Variants in STYXL1 observed in about 807,000 individuals in gnomAD.
STYXL1 encodes serine/threonine/tyrosine interacting like 1, also known as serine/threonine/tyrosine-interacting-like protein 1.
STYXL1 carries 32 observed loss-of-function variants against 36.4 expected under a neutral mutation model. That is an observed-to-expected ratio of 0.88 (90% CI 0.66 to 1.18). STYXL1 has a LOEUF of 1.18. STYXL1 is among the 50% of genes most tolerant of loss of function. The probability of loss-of-function intolerance (pLI) is 0.00; values close to 1 mark genes in which losing one functional copy is unlikely to be tolerated. For missense variants in STYXL1, 354 were observed against 394.1 expected (o/e 0.90, Z 0.86); for synonymous variants, 133 against 144.1 (o/e 0.92, Z 0.55).
intron 4 of STYXL1, among the ~76,000 whole-genome samples, chr7:76,015,283 T>C (rs1249403546): frequency 6.6e-6 from 1 of 152,076 alleles, no homozygotes; most frequent in Non-Finnish European, 1.5e-5. Flanking sequence ...CTCCCACTTA[T>C]TGGTCAATAA....
intron 4 of STYXL1, among the ~76,000 whole-genome samples, chr7:76,016,690 C>T (rs1554574132): frequency 6.6e-6 from 1 of 151,930 alleles, no homozygotes; most frequent in Non-Finnish European, 1.5e-5. Flanking sequence ...ATGAGATAAC[C>T]TTCTCACATC....
chr7:76,014,597 C>T (rs1585230346), intron 4 of STYXL1, among the ~76,000 whole-genome samples: 1 of 151,540 alleles, frequency 6.6e-6, no homozygotes, highest in South Asian at 2.1e-4. Flanking sequence ...AAGCAATCTA[C>T]CTGCCTCAGC....
chr7:75,999,551 G>GTGTA (rs1421403301), intron 8 of STYXL1, among the ~76,000 whole-genome samples: 35 of 80,134 alleles, frequency 4.4e-4, no homozygotes, highest in African/African-American at 1.3e-3. Flanking sequence ...GTGTGTGTGT[G>GTGTA]TATATTTTTT....
chr7:76,009,924 T>G (rs1301182423), intron 5 of STYXL1, among the ~76,000 whole-genome samples: 1 of 152,100 alleles, frequency 6.6e-6, no homozygotes, highest in African/African-American at 2.4e-5. Flanking sequence ...GCCACAACCC[T>G]GCGCCTTCTT....
chr7:76,025,334 T>G (rs1794573579), intron 3 of STYXL1, among the ~76,000 whole-genome samples: 1 of 151,410 alleles, frequency 6.6e-6, no homozygotes, highest in African/African-American at 2.4e-5. Context: ...AAAAAAAAGC[T>G]ATCAGTCTGA....
intron 4 of STYXL1, among the ~76,000 whole-genome samples, chr7:76,020,309 G>C (rs1029424663): frequency 1.3e-5 from 2 of 152,178 alleles, no homozygotes; most frequent in Non-Finnish European, 2.9e-5. Context: ...GCGCCACCCC[G>C]TGGCAGTTGG....
intron 7 of STYXL1, among the ~76,000 whole-genome samples, chr7:76,003,113 A>G (rs1454314392): frequency 1.3e-5 from 2 of 152,010 alleles, no homozygotes; most frequent in African/African-American, 2.4e-5. Context: ...AGGAATGAGT[A>G]AAAAATCCAC....
At chr7:76,046,929 G>T (rs1554583913) in intron 1 of STYXL1, among the ~76,000 whole-genome samples, 1 of 151,548 alleles carries the variant, frequency 6.6e-6, no homozygotes, top group Non-Finnish European at 1.5e-5. Flanking sequence ...GGGATTACAG[G>T]CATGAGCCAC....
chr7:76,010,867 C>A (rs889797872), intron 5 of STYXL1, among the ~76,000 whole-genome samples: 1 of 152,100 alleles, frequency 6.6e-6, no homozygotes, highest in Non-Finnish European at 1.5e-5. Flanking sequence ...AACATTAAAC[C>A]GCCCTAGCTT....
At position 76,047,795 on chromosome 7, in the gene STYXL1, T is replaced by C; in HGVS notation, c.-138A>G. The C allele has an allele frequency of 1.5e-6, 1 of 661,998 alleles. No individual in the cohort carries two copies. Among genetic ancestry groups the C allele is most frequent in the South Asian group, 2.3e-5 (1 of 43,242 alleles). 41.0% of individuals were successfully genotyped at this position (661,998 alleles called of 1,614,324 possible). ...TATGGCCAGGCTCCCTGTCGGAGCC[T>C]CTGCCTGGGGCCCCACCTGGAAAAA... On this transcript the variant is annotated 5_prime_UTR_variant, in exon 1 of 9. Transcript: ENST00000359697.
intron 3 of STYXL1, among the ~76,000 whole-genome samples, chr7:76,023,433 C>T (rs1223155210): frequency 6.6e-6 from 1 of 152,062 alleles, no homozygotes; most frequent in African/African-American, 2.4e-5. Flanking sequence ...GTGCAGTCAC[C>T]GCTCACTGCA....
chr7:76,003,657 G>C (rs1791267218), intron 7 of STYXL1, 101 bp downstream of exon 7: 1 of 1,085,638 alleles, frequency 9.2e-7, no homozygotes, highest in African/African-American at 1.6e-5. Context: ...TCTAGAGCAT[G>C]GGGAAATCAC....
chr7:76,028,932 T>C (rs147369162), intron 2 of STYXL1, among the ~76,000 whole-genome samples: 14 of 152,116 alleles, frequency 9.2e-5, no homozygotes, highest in African/African-American at 3.4e-4. Flanking sequence ...AAGACCAGCC[T>C]GGCCAACACG....
intron 1 of STYXL1, among the ~76,000 whole-genome samples, chr7:76,033,059 G>A (rs1209804560): frequency 6.6e-6 from 1 of 152,204 alleles, no homozygotes; most frequent in Non-Finnish European, 1.5e-5. Context: ...GGCTCCAGTT[G>A]GCAGAGCTGC....
At chr7:76,038,965 T>TG (rs1796216660) in intron 1 of STYXL1, among the ~76,000 whole-genome samples, 1 of 146,224 alleles carries the variant, frequency 6.8e-6, no homozygotes, top group Non-Finnish European at 1.5e-5. Context: ...TTTTTTTTTT[T>TG]GAGACGGAAT....
chr7:76,016,298 A>ACGTATATCTATACATATG (rs1793325096), intron 4 of STYXL1, among the ~76,000 whole-genome samples: 1 of 151,566 alleles, frequency 6.6e-6, no homozygotes, highest in African/African-American at 2.4e-5. Context: ...CTATACATAC[A>ACGTATATCTATACATATG]TGTGTATATA....
At chr7:76,040,712 T>C (rs1342856618) in intron 1 of STYXL1, among the ~76,000 whole-genome samples, 1 of 151,846 alleles carries the variant, frequency 6.6e-6, no homozygotes, top group African/African-American at 2.4e-5. Context: ...GGCGCATACC[T>C]GTAATCCCAG....
Position 76,007,205 on chromosome 7 carries a change from T to C in STYXL1, c.454-1801A>G, listed in dbSNP as rs565838861. Among the ~76,000 whole-genome samples, 5 of 152,244 alleles carry C rather than the reference T, an allele frequency of 3.3e-5. No individual in the cohort carries two copies. In the East Asian group the frequency reaches 9.7e-4, roughly 29 times the overall value. ...ACTTTGGGAGGCCGAGGCAGGCGCA[T>C]CACCTGAGGTGAGGAGCTTGAGACC... On this transcript the variant is annotated intron_variant, in intron 5 of 8. Transcript: ENST00000359697.
In STYXL1 at chr7:76,037,716, C is replaced by T. The variant is rs934604791; in HGVS notation, c.-4-7189G>A. Among the ~76,000 whole-genome samples, 10 of 149,728 alleles carry T rather than the reference C, an allele frequency of 6.7e-5. 2 individuals carry two copies. The highest frequency in any genetic ancestry group is 1.3e-4 in the Non-Finnish European group (9 of 66,966). The stretch of plus-strand genomic sequence containing the variant: ...AGCCACCCTAACCCCCAAGACAGTC[C>T]AGGTGGACACAATTGATGGGCATTT... On this transcript the variant is annotated intron_variant, in intron 1 of 8. Transcript: ENST00000359697.
Sources: gnomAD v4.1 joint callset for allele counts (sites outside exome capture counted in the v4.1 genomes callset) on GRCh38, gnomAD v4.1.1 for gene constraint, MANE v1.5 for transcripts, NCBI Gene and HGNC (gene_info 2026-07-23, HGNC 2026-07-21) for gene names.